The following ZBTB5 variants were observed in gnomAD, a reference collection of about 807,000 sequenced individuals.
The protein encoded by ZBTB5 is zinc finger and BTB domain-containing protein 5.
ZBTB5 carries 15 observed loss-of-function variants against 37.9 expected under a neutral mutation model. The ratio of observed to expected loss-of-function variants is 0.40; its 90% CI spans 0.26 to 0.61. ZBTB5 has a LOEUF of 0.61. Ranked by LOEUF, ZBTB5 falls within the 20% of genes least tolerant of loss-of-function variation. The pLI, the probability that ZBTB5 is intolerant of heterozygous loss-of-function variation, is 0.47. For missense variants in ZBTB5, 708 were observed against 856.8 expected (o/e 0.83, Z 2.17); for synonymous variants, 315 against 312.4 (o/e 1.01, Z -0.09).
At chr9:37,463,997 A>C (rs1255383065) in intron 1 of ZBTB5, among the ~76,000 whole-genome samples, 1 of 152,238 alleles carries the variant, frequency 6.6e-6, no homozygotes, top group Non-Finnish European at 1.5e-5. Flanking sequence ...ATAAGGGTTA[A>C]AAGGAAGAGT....
At chr9:37,452,924 G>A (rs1038933187) in intron 1 of ZBTB5, among the ~76,000 whole-genome samples, 2 of 152,196 alleles carry the variant, frequency 1.3e-5, no homozygotes, top group African/African-American at 4.8e-5. Flanking sequence ...TATAGGATGG[G>A]TGCACAGAAC....
intron 1 of ZBTB5, among the ~76,000 whole-genome samples, chr9:37,459,044 G>GT (rs1411627319): frequency 8.5e-5 from 13 of 152,186 alleles, no homozygotes; most frequent in African/African-American, 1.2e-4. Flanking sequence ...TGATGCTGGA[G>GT]TTTTTTGGTA....
At position 37,442,377 on chromosome 9, in the gene ZBTB5, C is replaced by A; in HGVS notation, c.175G>T (p.Asp59Tyr). ...FRALFSVAEG[D>Y]QTMNMIQLDS... is the part of the protein sequence containing the mutation. Reference sequence around the variant, plus strand: ...AGCTGGATCATGTTCATGGTCTGATCTCCTTCTGCCACTGAGAACAGGGCT... The same window carrying A: ...AGCTGGATCATGTTCATGGTCTGATATCCTTCTGCCACTGAGAACAGGGCT... Residue 59 changes from aspartate (D) to tyrosine (Y), a missense_variant, in exon 2 of 2, where the codon GAT becomes TAT. Transcript: ENST00000307750. The A allele has an allele frequency of 6.2e-7, 1 of 1,614,084 alleles. No individual in the cohort carries two copies. Among genetic ancestry groups the A allele is most frequent in the South Asian group, 1.1e-5 (1 of 91,084 alleles).
chr9:37,463,620 T>C (rs1465353211), intron 1 of ZBTB5, among the ~76,000 whole-genome samples: 1 of 152,236 alleles, frequency 6.6e-6, no homozygotes, highest in Non-Finnish European at 1.5e-5. Flanking sequence ...CCCAGTGATT[T>C]TTTATTACTT....
Position 37,442,519 on chromosome 9 carries a change from G to C in ZBTB5, c.33C>G (p.Phe11Leu). ...GAAGTCTCTGGTAGTTCAGCTGCTG[G>C]AAGATTTGTTCAAAGTGACCAGGAA... MDFPGHFEQIFQQLNYQRLHG... is the reference protein window; with the variant it reads MDFPGHFEQILQQLNYQRLHG... Residue 11 changes from phenylalanine to leucine, a missense_variant, in exon 2 of 2, where the codon TTC (phenylalanine) becomes TTG (leucine). Phe to Leu is a conservative substitution (Grantham distance 22). Around this residue, in one of 3 missense-constraint regions of ZBTB5, gnomAD observed 27 missense variants for 58.4 expected, o/e 0.46. Transcript: ENST00000307750. 6.2e-7 allele frequency: 1 copy of C among 1,606,714 alleles called. No individual in the cohort carries two copies. Among genetic ancestry groups the C allele is most frequent in the East Asian group, 2.2e-5 (1 of 44,678 alleles).
intron 1 of ZBTB5, among the ~76,000 whole-genome samples, chr9:37,443,378 G>A (rs893770416): frequency 6.6e-6 from 1 of 151,916 alleles, no homozygotes; most frequent in African/African-American, 2.4e-5. Flanking sequence ...CTTTAAAGGT[G>A]TAAACCCACA....
In ZBTB5 at chr9:37,464,474, T is replaced by C. The variant is rs114145880; in HGVS notation, c.-5+741A>G. 3.7e-3 allele frequency among the ~76,000 whole-genome samples: 571 copies of C among 152,314 alleles called. 5 individuals are homozygous for C. The highest frequency in any genetic ancestry group is 0.013 in the African/African-American group (545 of 41,560). The stretch of plus-strand genomic sequence containing the variant: ...CTGTTCAGAAAATTAGTTTCCACAA[T>C]ATCCTTCACTATGCCAGAATGCTGA... On this transcript the variant is annotated intron_variant, in intron 1 of 1. Transcript: ENST00000307750.
At chr9:37,453,102 C>A (rs936519143) in intron 1 of ZBTB5, among the ~76,000 whole-genome samples, 2 of 152,178 alleles carry the variant, frequency 1.3e-5, no homozygotes, top group African/African-American at 4.8e-5. Context: ...ACTCTCAATC[C>A]CCTACCCCTG....
intron 1 of ZBTB5, among the ~76,000 whole-genome samples, chr9:37,450,327 T>C (rs1307575659): frequency 6.6e-6 from 1 of 152,030 alleles, no homozygotes; most frequent in Non-Finnish European, 1.5e-5. Context: ...AAAAAGCAAG[T>C]AAGTCTTTGT....
At chr9:37,446,883 T>C (rs895841462) in intron 1 of ZBTB5, among the ~76,000 whole-genome samples, 2 of 152,160 alleles carry the variant, frequency 1.3e-5, no homozygotes, top group Non-Finnish European at 2.9e-5. Flanking sequence ...ACATTCTGGT[T>C]TGAGGAATAA....
rs778369794 is a variant in ZBTB5, at chr9:37,440,999, G to A, written c.1553C>T (p.Ser518Phe). 1.9e-6 allele frequency: 3 copies of A among 1,614,180 alleles called. No individual in the cohort carries two copies. Among genetic ancestry groups the A allele is most frequent in the Non-Finnish European group, 1.7e-6 (2 of 1,180,026 alleles). Residue 518 changes from serine (S) to phenylalanine (F), a missense_variant, in exon 2 of 2, where the codon TCC becomes TTC. Ser to Phe is a radical substitution (Grantham distance 155). Around this residue, in one of 3 missense-constraint regions of ZBTB5, gnomAD observed 639 missense variants for 690.5 expected, o/e 0.93. Coordinates refer to ENST00000307750, the MANE Select transcript of ZBTB5 (RefSeq NM_014872.3). ...RSGLGLHSSF[S>F]RVMIGSPRGG... ...CCTTGGGGAACCTATCATTACCCTGGAGAAGGAGGAGTGGAGGCCCAAACC... is the reference window on the plus strand; with the variant it reads ...CCTTGGGGAACCTATCATTACCCTGAAGAAGGAGGAGTGGAGGCCCAAACC...
chr9:37,454,384 T>C (rs1824152144), intron 1 of ZBTB5, among the ~76,000 whole-genome samples: 1 of 152,140 alleles, frequency 6.6e-6, no homozygotes, highest in South Asian at 2.1e-4. Context: ...GAAAAAGGCT[T>C]CAGGTCTCTT....
chr9:37,443,787 C>T (rs1823927845), intron 1 of ZBTB5, among the ~76,000 whole-genome samples: 1 of 152,108 alleles, frequency 6.6e-6, no homozygotes, highest in Non-Finnish European at 1.5e-5. Context: ...AAAAAATTAG[C>T]CGGGCATGCT....
At chr9:37,448,711 CAG>C (rs898652173) in intron 1 of ZBTB5, among the ~76,000 whole-genome samples, 7 of 152,290 alleles carry the variant, frequency 4.6e-5, no homozygotes, top group African/African-American at 7.2e-5. Context: ...GAAATTAAAA[CAG>C]AAAATTTAAA....
chr9:37,464,761 G>C (rs1225978139), intron 1 of ZBTB5, among the ~76,000 whole-genome samples: 1 of 152,212 alleles, frequency 6.6e-6, no homozygotes. Context: ...CTCCAGGGTC[G>C]GCCGCTGGCT....
rs117024073 is a variant in ZBTB5, at chr9:37,452,300, A to G, written c.-4-9745T>C. Reference sequence around the variant, plus strand: ...AGCTATTTAAAATATCTAGTAACAGAAGCATAACTCACAGTAAAAATGGGG... The same window carrying G: ...AGCTATTTAAAATATCTAGTAACAGGAGCATAACTCACAGTAAAAATGGGG... On this transcript the variant is annotated intron_variant, in intron 1 of 1. Coordinates refer to ENST00000307750, the MANE Select transcript of ZBTB5 (RefSeq NM_014872.3). 8.2e-4 allele frequency among the ~76,000 whole-genome samples: 125 copies of G among 152,374 alleles called. 2 individuals carry two copies. In the East Asian group the frequency reaches 8.9e-3, roughly 11 times the overall value.
chr9:37,452,410 G>A (rs1824120432), intron 1 of ZBTB5, among the ~76,000 whole-genome samples: 1 of 152,142 alleles, frequency 6.6e-6, no homozygotes, highest in South Asian at 2.1e-4. Context: ...CCAAAACCCA[G>A]AAGTCAATAT....
intron 1 of ZBTB5, among the ~76,000 whole-genome samples, chr9:37,462,562 GTT>G (rs372165548): frequency 1.2e-4 from 16 of 132,398 alleles, no homozygotes; most frequent in African/African-American, 1.4e-4. Context: ...TGCTTTAACC[GTT>G]TTTTTTTTTT....
chr9:37,463,266 A>C (rs1478888809), intron 1 of ZBTB5, among the ~76,000 whole-genome samples: 2 of 152,218 alleles, frequency 1.3e-5, no homozygotes, highest in Non-Finnish European at 2.9e-5. Context: ...CAAAAGGCAT[A>C]GTGTAGTGCT....
Sources: allele counts gnomAD v4.1 joint callset (sites outside exome capture counted in the v4.1 genomes callset), GRCh38; gene constraint gnomAD v4.1.1; regional missense constraint gnomAD v4.1.1; transcripts MANE v1.5; gene names NCBI Gene and HGNC (gene_info 2026-07-23, HGNC 2026-07-21).